Variants in SMARCA4 observed in about 807,000 individuals in gnomAD.
SMARCA4 encodes the protein SWI/SNF-related matrix-associated actin-dependent regulator of chromatin subfamily A member 4.
In SMARCA4, 31 loss-of-function variants were observed where a neutral mutation model predicts 193.9. That is an observed-to-expected ratio of 0.16 (90% CI 0.12 to 0.22). The LOEUF is 0.22. SMARCA4 is among the 10% of genes least tolerant of loss of function. The pLI is 1.00. For missense variants in SMARCA4, 1,148 were observed against 2,296.0 expected (o/e 0.50, Z 10.22); for synonymous variants, 942 against 933.1 (o/e 1.01, Z -0.17).
rs2146235399 is a variant in SMARCA4 at position 11,010,431 on chromosome 19, C to T, written c.2174C>T (p.Ala725Val). ...DDEYGVSQALARGLQSYYAVA... is the reference protein window; with the variant it reads ...DDEYGVSQALVRGLQSYYAVA... ...GAATATGGCGTGTCCCAGGCCCTTG[C>T]ACGTGGCCTGCAGTCCTACTATGCC... The change falls in exon 15 of 35, where the codon GCA becomes GTA. Residue 725 changes from alanine (A) to valine (V), a missense_variant. Transcript: ENST00000344626. 3.1e-6 allele frequency: 5 copies of T among 1,613,996 alleles called. No individual in the cohort carries two copies. Among genetic ancestry groups the T allele is most frequent in the Non-Finnish European group, 4.2e-6 (5 of 1,179,882 alleles).
intron 16 of SMARCA4, among the ~76,000 whole-genome samples, chr19:11,014,466 C>T (rs774035757): frequency 6.6e-6 from 1 of 152,198 alleles, no homozygotes; most frequent in Non-Finnish European, 1.5e-5. Context: ...CACAGCGCTG[C>T]AGGTAGCTGC....
intron 30 of SMARCA4, among the ~76,000 whole-genome samples, chr19:11,051,491 C>CTT (rs554212827): frequency 0.011 from 1,534 of 133,486 alleles, 41 homozygotes; most frequent in African/African-American, 0.04. Flanking sequence ...GACATATTTC[C>CTT]TTTTTTTTTT....
chr19:11,002,054 A>G (rs964426157), intron 11 of SMARCA4, among the ~76,000 whole-genome samples: 20 of 152,212 alleles, frequency 1.3e-4, no homozygotes, highest in African/African-American at 4.6e-4. Flanking sequence ...AGTGTAAAAA[A>G]GAGGGAGAAA....
Position 11,058,622 on chromosome 19 carries a change from C to A in SMARCA4, c.4534-166C>A, listed in dbSNP as rs2076680593. 6.6e-6 allele frequency among the ~76,000 whole-genome samples: 1 copy of A among 152,162 alleles called. No individual in the cohort carries two copies. The highest frequency in any genetic ancestry group is 2.1e-4 in the South Asian group (1 of 4,826). On this transcript the variant is annotated intron_variant, in intron 31 of 34. Coordinates refer to ENST00000344626, the MANE Select transcript of SMARCA4 (RefSeq NM_003072.5). This position sits in a 1 kb window ranked among gnomAD's most constrained non-coding sequence, Gnocchi z 5.8. Reference sequence around the variant, plus strand: ...CACTCACTTAGTGCTGGGCCTCAGTCATGCAGTTCCCATGCCTAGTGAGCC... The same window carrying A: ...CACTCACTTAGTGCTGGGCCTCAGTAATGCAGTTCCCATGCCTAGTGAGCC...
chr19:10,997,285 G>T (rs1013496250), intron 11 of SMARCA4, among the ~76,000 whole-genome samples: 1 of 152,010 alleles, frequency 6.6e-6, no homozygotes, highest in African/African-American at 2.4e-5. Context: ...TGCAAGCTCC[G>T]CCTCCTGGGT....
At position 11,024,322 on chromosome 19, in the gene SMARCA4, C is replaced by G. The variant is rs371801361; in HGVS notation, c.2974-9C>G. 1 of 1,596,476 alleles carries G rather than the reference C, an allele frequency of 6.3e-7. No individual in the cohort carries two copies. Among genetic ancestry groups the G allele is most frequent in the East Asian group, 2.2e-5 (1 of 44,804 alleles). On this transcript the variant is annotated splice_polypyrimidine_tract_variant and intron_variant, in intron 20 of 34. Transcript: ENST00000344626. ...TTGGGCCCTCGTGAGCATTATGTGT[C>G]CCCTGCAGGTGGAGTACGTCATCAA...
rs1190688175 is a variant in SMARCA4, at chr19:11,034,773, C to T, written c.3952-141C>T. ...CAGGCCAGGTCAGCCACTGAAAAATCGAGAGCTACTGTTTAACTCTCGCAG... is the reference window on the plus strand; with the variant it reads ...CAGGCCAGGTCAGCCACTGAAAAATTGAGAGCTACTGTTTAACTCTCGCAG... On this transcript the variant is annotated intron_variant, in intron 28 of 34. Transcript: ENST00000344626. The surrounding 1 kb of genome is among the most constrained non-coding windows in gnomAD (Gnocchi z 7.0). 10 of 700,788 alleles carry T rather than the reference C, an allele frequency of 1.4e-5. No homozygotes were observed. Among genetic ancestry groups the T allele is most frequent in the South Asian group, 3.0e-5 (2 of 66,128 alleles). The allele number at this position is 700,788 out of a possible 1,614,324, so 43.4% of individuals were successfully genotyped here. A position where few individuals can be genotyped will look rare whatever the true frequency, so the allele number is the denominator to read the frequency against.
intron 16 of SMARCA4, among the ~76,000 whole-genome samples, chr19:11,014,696 C>T (rs2089191269): frequency 6.6e-6 from 1 of 152,236 alleles, no homozygotes; most frequent in African/African-American, 2.4e-5. Context: ...AGATCACCAT[C>T]TCTGCTGGAA....
At chr19:11,023,437 C>T (rs2090015636) in intron 19 of SMARCA4, 81 bp from the exon 20 acceptor site, 1 of 907,448 alleles carries the variant, frequency 1.1e-6, no homozygotes, top group African/African-American at 1.6e-5. Context: ...CACCCTGTCC[C>T]CACATCCGCA....
intron 11 of SMARCA4, among the ~76,000 whole-genome samples, chr19:11,000,309 G>C (rs1199847726): frequency 6.6e-6 from 1 of 151,984 alleles, no homozygotes; most frequent in Non-Finnish European, 1.5e-5. Flanking sequence ...TGCTAAGGTG[G>C]GTGGATCGCT....
rs983272361 is a variant in SMARCA4, at chr19:11,007,567, C to G, written c.2002-335C>G. On this transcript the variant is annotated intron_variant, in intron 13 of 34. Coordinates refer to ENST00000344626, the MANE Select transcript of SMARCA4 (RefSeq NM_003072.5). ...CAGCCCGGGGAATGTCACGAGACTA[C>G]ATATCTACAAAAATTCAAAACATTT... Among the ~76,000 whole-genome samples the G allele has an allele frequency of 5.3e-5, 8 of 151,560 alleles. No homozygotes were observed. In the South Asian group the frequency reaches 1.3e-3, roughly 24 times the overall value.
intron 8 of SMARCA4, among the ~76,000 whole-genome samples, chr19:10,994,091 G>A (rs969554793): frequency 1.3e-5 from 2 of 151,904 alleles, no homozygotes; most frequent in African/African-American, 4.8e-5. Context: ...CCAGGCTGGA[G>A]TACAGTGGTG....
rs1030823897 is a variant in SMARCA4 at position 11,041,173 on chromosome 19, G to A, written c.4171-134G>A. 13 of 930,780 alleles carry A rather than the reference G, an allele frequency of 1.4e-5. 1 individual carries two copies. In the African/African-American group the frequency reaches 2.0e-4, roughly 14 times the overall value. The allele number at this position is 930,780 out of a possible 1,614,324, so 57.7% of individuals were successfully genotyped here. A position where few individuals can be genotyped will look rare whatever the true frequency, so the allele number is the denominator to read the frequency against. On this transcript the variant is annotated intron_variant, in intron 29 of 34. Transcript: ENST00000344626. This position sits in a 1 kb window ranked among gnomAD's most constrained non-coding sequence, Gnocchi z 5.6. ...AGTCCCAGTGTGTGTTATGCCCCGA[G>A]CCAGTCAAGCTGAAGGGAGAGCGGG...
intron 18 of SMARCA4, among the ~76,000 whole-genome samples, chr19:11,020,058 T>C (rs565330505): frequency 2.6e-4 from 40 of 152,188 alleles, no homozygotes; most frequent in African/African-American, 8.4e-4. Flanking sequence ...TCCTGTCTCA[T>C]TGCCTTGGCC....
intron 16 of SMARCA4, chr19:11,018,197 C>G: frequency 6.2e-6 from 1 of 160,784 alleles, no homozygotes. Context: ...ACCACCCCGT[C>G]TAGACTTTCT....
chr19:11,009,007 CTTTTTTTTTTTTTTTTT>C (rs762148337), intron 14 of SMARCA4, among the ~76,000 whole-genome samples: 360 of 40,982 alleles, frequency 8.8e-3, no homozygotes, highest in Admixed American at 0.018. Flanking sequence ...ATAAAAGTCA[CTTTTTTTTTTTTTTTTT>C]TTTTTTTTTT....
intron 34 of SMARCA4, chr19:11,060,457 G>A (rs2076801885): frequency 1.8e-6 from 1 of 565,906 alleles, no homozygotes; most frequent in East Asian, 3.0e-5. Context: ...AGGACAGGCA[G>A]CAGGCGGTCC....
rs577584707 is a variant in SMARCA4, at chr19:10,996,664, A to C, written c.1812+120A>C. The stretch of plus-strand genomic sequence containing the variant: ...ACAATGATATGTGATGATGGTGAGA[A>C]TCCCAGGGTGTCCTCTGACGCCCAT... On this transcript the variant is annotated intron_variant, in intron 11 of 34. Transcript: ENST00000344626. 1.7e-5 allele frequency: 17 copies of C among 990,062 alleles called. No homozygotes were observed. In the South Asian group the frequency reaches 2.0e-4, roughly 11 times the overall value. 61.3% of individuals were successfully genotyped at this position (990,062 alleles called of 1,614,324 possible).
chr19:10,994,809 CT>C lies in SMARCA4; in HGVS notation c.1420-15del, dbSNP rs1243522305. 9 of 1,612,646 alleles carry C rather than the reference CT, an allele frequency of 5.6e-6. No individual in the cohort carries two copies. The highest frequency in any genetic ancestry group is 7.6e-6 in the Non-Finnish European group (9 of 1,178,860). ...CATGCTGCTGAAGGGTCAGCCTTCT[CT>C]TTTGTGCTTTCCTGCAGGAATACCT... On this transcript the variant is annotated intron_variant, in intron 8 of 34. Coordinates refer to ENST00000344626, the MANE Select transcript of SMARCA4 (RefSeq NM_003072.5).
Sources: allele counts gnomAD v4.1 joint callset (sites outside exome capture counted in the v4.1 genomes callset), GRCh38; gene constraint gnomAD v4.1.1; non-coding constraint Gnocchi (gnomAD v3.1); transcripts MANE v1.5; gene names NCBI Gene and HGNC (gene_info 2026-07-23, HGNC 2026-07-21).